Variants in SELENOF observed in about 807,000 individuals in gnomAD.
The protein encoded by SELENOF is selenoprotein F, also known as 15 kDa selenoprotein.
A neutral mutation model predicts 20.5 loss-of-function variants in SELENOF; 16 were observed. The observed-to-expected ratio is 0.78, with a 90% CI of 0.53 to 1.19. The LOEUF (loss-of-function observed/expected upper bound fraction) is 1.19. Among genes scored for constraint, SELENOF ranks in the 50% most tolerant of loss-of-function variants. The pLI, the probability that SELENOF is intolerant of heterozygous loss-of-function variation, is 0.00. For missense variants in SELENOF, 215 were observed against 194.2 expected, an observed-to-expected ratio of 1.11 and a Z score of -0.64; for synonymous variants, 78 against 74.5, an observed-to-expected ratio of 1.05 and a Z score of -0.24.
In SELENOF at chr1:86,862,726, T is replaced by A. The variant is rs1557449875; in HGVS notation, c.*748A>T. 1 of 152,184 alleles carries A rather than the reference T, an allele frequency of 6.6e-6. No individual in the cohort carries two copies. The highest frequency in any genetic ancestry group is 1.5e-5 in the Non-Finnish European group (1 of 68,026). 9.4% of individuals were successfully genotyped at this position (152,184 alleles called of 1,614,324 possible). ...AGAAGAATTCCAAATTCAGATAGAT[T>A]TTTGAAACTTTTTATTTATATTTTG... is the stretch of plus-strand genomic sequence containing the variant. On this transcript the variant is annotated 3_prime_UTR_variant, in exon 5 of 5. Transcript: ENST00000331835.
intron 3 of SELENOF, among the ~76,000 whole-genome samples, chr1:86,873,373 CAG>C (rs966321646): frequency 3.0e-4 from 45 of 152,186 alleles, no homozygotes; most frequent in African/African-American, 1.0e-3. Flanking sequence ...AATGAGGTTT[CAG>C]AGTCTGAGCT....
chr1:86,873,174 T>G (rs557613438), intron 3 of SELENOF, among the ~76,000 whole-genome samples: 16 of 151,978 alleles, frequency 1.1e-4, no homozygotes, highest in Non-Finnish European at 8.8e-5. Flanking sequence ...GGAGGATTGT[T>G]TGAACCTGGG....
At chr1:86,908,322 C>A (rs1659883378) in intron 1 of SELENOF, among the ~76,000 whole-genome samples, 1 of 152,172 alleles carries the variant, frequency 6.6e-6, no homozygotes, top group Non-Finnish European at 1.5e-5. Context: ...ATACCAGAAA[C>A]ATGGCCATTA....
chr1:86,866,085 A>C (rs1251948674), intron 4 of SELENOF, among the ~76,000 whole-genome samples: 1 of 150,978 alleles, frequency 6.6e-6, no homozygotes, highest in Non-Finnish European at 1.5e-5. Flanking sequence ...TGGTCTCAGA[A>C]TCTTGGGAGG....
rs553259766 is a variant in SELENOF, at chr1:86,912,751, G to A, written c.84+1277C>T. On this transcript the variant is annotated intron_variant, in intron 1 of 4. Transcript: ENST00000331835. ...CCTTTCGGTTTAGCTGACCTACTAG[G>A]TCAACAAAAAGCATAAATGAGGCCA... Among the ~76,000 whole-genome samples, 99 of 152,220 alleles carry A rather than the reference G, an allele frequency of 6.5e-4. 1 individual carries two copies. Among genetic ancestry groups the A allele is most frequent in the African/African-American group, 2.2e-3 (92 of 41,552 alleles).
chr1:86,872,931 T>A (rs1002102552), intron 3 of SELENOF, among the ~76,000 whole-genome samples: 1 of 151,976 alleles, frequency 6.6e-6, no homozygotes, highest in Non-Finnish European at 1.5e-5. Context: ...GCGCGGCTAC[T>A]CCGGAGGCTG....
intron 4 of SELENOF, among the ~76,000 whole-genome samples, chr1:86,866,219 A>AGTGT (rs1201916895): frequency 1.1e-5 from 1 of 87,258 alleles, no homozygotes; most frequent in African/African-American, 4.9e-5. Context: ...AAAAAAAAAA[A>AGTGT]GTGTGTGTCT....
rs541331028 is a variant in SELENOF, at chr1:86,863,622, C to A, written c.367-17G>T. 2.5e-6 allele frequency: 4 copies of A among 1,611,124 alleles called. No individual in the cohort carries two copies. In the East Asian group the frequency reaches 8.9e-5, roughly 36 times the overall value. On this transcript the variant is annotated splice_polypyrimidine_tract_variant and intron_variant, in intron 4 of 4. Coordinates refer to ENST00000331835, the MANE Select transcript of SELENOF (RefSeq NM_004261.5). Reference sequence around the variant, plus strand: ...ACGGACATACTACAAAAAAGAGGGACGTCATCATTACTTTCTGTTCAGAAA... The same window carrying A: ...ACGGACATACTACAAAAAAGAGGGAAGTCATCATTACTTTCTGTTCAGAAA...
chr1:86,901,632 T>A lies in SELENOF; in HGVS notation c.252+1649A>T, dbSNP rs374394714. On this transcript the variant is annotated intron_variant, in intron 2 of 4. Transcript: ENST00000331835. ...GGCATATATTAATTGGCAGATCTAC[T>A]TTTATTGCTGAGCTGCAACTGCTGA... Among the ~76,000 whole-genome samples the A allele has an allele frequency of 1.8e-4, 28 of 152,324 alleles. No homozygotes were observed. The East Asian group carries it at 4.4e-3, about 24-fold the overall frequency.
At chr1:86,872,299 A>C (rs2102075117) in intron 3 of SELENOF, among the ~76,000 whole-genome samples, 1 of 152,314 alleles carries the variant, frequency 6.6e-6, no homozygotes, top group African/African-American at 2.4e-5. Context: ...CCAAGCTGTA[A>C]ATACTGATTC....
chr1:86,899,707 C>T (rs1224313323), intron 2 of SELENOF, among the ~76,000 whole-genome samples: 100 of 151,612 alleles, frequency 6.6e-4, no homozygotes, highest in African/African-American at 2.3e-3. Flanking sequence ...ACCTCCCTCC[C>T]GGACAGGGCG....
At chr1:86,876,440 A>T (rs1441874385) in intron 3 of SELENOF, among the ~76,000 whole-genome samples, 1 of 152,202 alleles carries the variant, frequency 6.6e-6, no homozygotes, top group Non-Finnish European at 1.5e-5. Context: ...TAAGAAATAT[A>T]GACTCTCAGG....
At chr1:86,893,041 A>ATCTAGAATCAGGTTTTATC (rs1659428208) in intron 2 of SELENOF, among the ~76,000 whole-genome samples, 1 of 152,148 alleles carries the variant, frequency 6.6e-6, no homozygotes, top group Non-Finnish European at 1.5e-5. Flanking sequence ...CTAGAATCAA[A>ATCTAGAATCAGGTTTTATC]TAGACCTGAG....
intron 1 of SELENOF, 53 bp from the exon 2 acceptor site, chr1:86,903,501 C>T: frequency 1.4e-6 from 2 of 1,403,332 alleles, no homozygotes; most frequent in Non-Finnish European, 1.9e-6. Context: ...TACTACAAAG[C>T]TTTCCAAAAA....
chr1:86,899,650 C>T (rs1459963741), intron 2 of SELENOF, among the ~76,000 whole-genome samples: 6 of 151,374 alleles, frequency 4.0e-5, no homozygotes, highest in Non-Finnish European at 8.9e-5. Flanking sequence ...CTGACCCCCC[C>T]ATCTCCCTCC....
At chr1:86,903,519 C>T (rs1045434798) in intron 1 of SELENOF, 71 bp from the exon 2 acceptor site, 10 of 1,214,084 alleles carry the variant, frequency 8.2e-6, no homozygotes, top group South Asian at 3.7e-5. Context: ...AAAGAGAACA[C>T]GGGGTTGTCA....
chr1:86,887,988 C>T (rs1306206052), intron 2 of SELENOF, among the ~76,000 whole-genome samples: 1 of 152,128 alleles, frequency 6.6e-6, no homozygotes, highest in Non-Finnish European at 1.5e-5. Flanking sequence ...CGGCCAGGCG[C>T]GGTGGCTCAC....
chr1:86,884,236 T>C (rs1048140880), intron 2 of SELENOF, among the ~76,000 whole-genome samples: 1 of 152,090 alleles, frequency 6.6e-6, no homozygotes, highest in Admixed American at 6.6e-5. Flanking sequence ...TGTAGAGTAG[T>C]TCCAGTCCAG....
intron 2 of SELENOF, among the ~76,000 whole-genome samples, chr1:86,886,604 A>C (rs1244902963): frequency 6.6e-6 from 1 of 152,134 alleles, no homozygotes; most frequent in Non-Finnish European, 1.5e-5. Flanking sequence ...TTATCCTCCT[A>C]AAGTGCTAGT....
Sources: allele counts gnomAD v4.1 joint callset (sites outside exome capture counted in the v4.1 genomes callset), GRCh38; gene constraint gnomAD v4.1.1; transcripts MANE v1.5; gene names NCBI Gene and HGNC (gene_info 2026-07-23, HGNC 2026-07-21).